Variants in PRKCE observed in about 807,000 individuals in gnomAD.
PRKCE encodes protein kinase C epsilon type.
In PRKCE, 16 loss-of-function variants were observed where a neutral mutation model predicts 85.4. The ratio of observed to expected loss-of-function variants is 0.19; its 90% CI spans 0.13 to 0.28. PRKCE has a LOEUF of 0.28. PRKCE is among the 10% of genes least tolerant of loss of function. PRKCE has a pLI of 1.00. For missense variants in PRKCE, 573 were observed against 975.2 expected, an observed-to-expected ratio of 0.59 and a Z score of 5.49; for synonymous variants, 388 against 371.5, an observed-to-expected ratio of 1.04 and a Z score of -0.51.
intron 11 of PRKCE, among the ~76,000 whole-genome samples, chr2:46,111,400 T>C (rs1466189140): frequency 6.6e-6 from 1 of 152,192 alleles, no homozygotes; most frequent in Non-Finnish European, 1.5e-5. Context: ...TTTTAGTCTA[T>C]TCAAGCAGTT....
At chr2:45,892,044 T>C (rs1462771338) in intron 2 of PRKCE, among the ~76,000 whole-genome samples, 2 of 152,250 alleles carry the variant, frequency 1.3e-5, no homozygotes, top group African/African-American at 4.8e-5. Context: ...CTCTCCACAG[T>C]TGACACCTGG....
rs548240234 is a variant in PRKCE, at chr2:45,714,981, C to T, written c.348+62533C>T. On this transcript the variant is annotated intron_variant, in intron 1 of 14. Coordinates refer to ENST00000306156, the MANE Select transcript of PRKCE (RefSeq NM_005400.3). The stretch of plus-strand genomic sequence containing the variant: ...TTTCACCTCTTGGCCTTCAGGTTTC[C>T]GGCATCTGCAGGTTCCTCCTTAGGA... Among the ~76,000 whole-genome samples, 6 of 152,294 alleles carry T rather than the reference C, an allele frequency of 3.9e-5. No homozygotes were observed. The South Asian group carries it at 1.0e-3, about 26-fold the overall frequency.
intron 10 of PRKCE, among the ~76,000 whole-genome samples, chr2:46,037,262 T>A (rs1023170259): frequency 5.9e-5 from 9 of 152,310 alleles, no homozygotes; most frequent in African/African-American, 2.2e-4. Flanking sequence ...TTATGAAAAG[T>A]GTGGCTCCAT....
intron 14 of PRKCE, among the ~76,000 whole-genome samples, chr2:46,164,135 G>A (rs570566469): frequency 2.6e-5 from 4 of 152,338 alleles, no homozygotes; most frequent in African/African-American, 9.6e-5. Context: ...ACAGAGGGAA[G>A]AGGGAAAACT....
intron 1 of PRKCE, among the ~76,000 whole-genome samples, chr2:45,661,654 G>A (rs1456389545): frequency 1.4e-5 from 2 of 146,978 alleles, no homozygotes; most frequent in African/African-American, 5.0e-5. Flanking sequence ...TCAGCCTCCC[G>A]AGTAGCTGGG....
intron 2 of PRKCE, among the ~76,000 whole-genome samples, chr2:45,881,823 T>C (rs1694911674): frequency 1.3e-5 from 2 of 152,240 alleles, no homozygotes; most frequent in South Asian, 4.1e-4. Context: ...GAATTTTAAC[T>C]AGCTGCCCAA....
intron 2 of PRKCE, among the ~76,000 whole-genome samples, chr2:45,917,564 G>T (rs554719658): frequency 4.0e-4 from 61 of 152,252 alleles, no homozygotes; most frequent in South Asian, 2.9e-3. Flanking sequence ...TAGACATAAA[G>T]GTTCTCCACG....
chr2:46,151,491 C>T (rs764847971), intron 13 of PRKCE, among the ~76,000 whole-genome samples: 6 of 152,290 alleles, frequency 3.9e-5, no homozygotes, highest in South Asian at 2.1e-4. Context: ...GGAAGAGGAG[C>T]GCATGTCTGT....
intron 1 of PRKCE, 46 bp from the exon 2 acceptor site, chr2:45,842,954 C>T (rs1252734367): frequency 1.3e-6 from 2 of 1,564,844 alleles, no homozygotes; most frequent in Non-Finnish European, 8.8e-7. Flanking sequence ...TCTTAGGTTG[C>T]CCACACAATG....
intron 11 of PRKCE, among the ~76,000 whole-genome samples, chr2:46,135,618 A>G (rs1432194890): frequency 2.0e-5 from 3 of 152,092 alleles, no homozygotes; most frequent in Admixed American, 6.6e-5. Flanking sequence ...GAATTTTCCT[A>G]TGCAAAGACT....
chr2:45,783,529 A>G (rs557203789), intron 1 of PRKCE, among the ~76,000 whole-genome samples: 351 of 152,296 alleles, frequency 2.3e-3, no homozygotes, highest in African/African-American at 8.2e-3. Flanking sequence ...CTCCTTGGGA[A>G]TCTACTTCTA....
chr2:46,021,930 G>C (rs1706704347), intron 10 of PRKCE, among the ~76,000 whole-genome samples: 1 of 152,166 alleles, frequency 6.6e-6, no homozygotes, highest in Non-Finnish European at 1.5e-5. Context: ...TTCATAGGGA[G>C]CTTCTACATA....
At chr2:45,899,757 A>G (rs1696433604) in intron 2 of PRKCE, among the ~76,000 whole-genome samples, 1 of 152,178 alleles carries the variant, frequency 6.6e-6, no homozygotes, top group Admixed American at 6.5e-5. Context: ...CTGGGCCTGT[A>G]GGTAGTGCTG....
At chr2:45,672,450 C>T (rs546479597) in intron 1 of PRKCE, among the ~76,000 whole-genome samples, 3 of 152,334 alleles carry the variant, frequency 2.0e-5, no homozygotes, top group South Asian at 4.1e-4. Context: ...ATCCATCCAG[C>T]CAGCCAGCCA....
intron 6 of PRKCE, among the ~76,000 whole-genome samples, chr2:45,985,267 G>A (rs909834830): frequency 3.9e-5 from 6 of 152,122 alleles, no homozygotes; most frequent in East Asian, 3.9e-4. Flanking sequence ...CTTGACTCTC[G>A]CGTCCTCAGT....
intron 10 of PRKCE, among the ~76,000 whole-genome samples, chr2:46,011,796 A>G (rs1236510828): frequency 6.6e-6 from 1 of 152,100 alleles, no homozygotes; most frequent in East Asian, 1.9e-4. Flanking sequence ...GCACCCACAC[A>G]CACACAATGC....
intron 1 of PRKCE, among the ~76,000 whole-genome samples, chr2:45,748,344 G>A (rs527676036): frequency 6.6e-6 from 1 of 152,362 alleles, no homozygotes; most frequent in Non-Finnish European, 1.5e-5. Context: ...GGCAGAAGCA[G>A]GATGTGACGT....
At chr2:45,749,717 C>G (rs1342483264) in intron 1 of PRKCE, among the ~76,000 whole-genome samples, 1 of 152,226 alleles carries the variant, frequency 6.6e-6, no homozygotes, top group African/African-American at 2.4e-5. Context: ...AAAGTGAATT[C>G]TCCAGAGTTT....
chr2:45,985,808 C>T (rs886848728), intron 6 of PRKCE, among the ~76,000 whole-genome samples: 4 of 152,202 alleles, frequency 2.6e-5, no homozygotes, highest in Non-Finnish European at 4.4e-5. Context: ...GGAGCCTGAG[C>T]TGGGGACACC....
Sources: gnomAD v4.1 joint callset for allele counts (sites outside exome capture counted in the v4.1 genomes callset) on GRCh38, gnomAD v4.1.1 for gene constraint, MANE v1.5 for transcripts, NCBI Gene and HGNC (gene_info 2026-07-23, HGNC 2026-07-21) for gene names.